Variants in NTRK3 observed in about 807,000 individuals in gnomAD.
NTRK3 encodes NT-3 growth factor receptor.
In NTRK3, 24 loss-of-function variants were observed where a neutral mutation model predicts 91.7. That is an observed-to-expected ratio of 0.26 (90% CI 0.19 to 0.37). The LOEUF is 0.37. Ranked by LOEUF, NTRK3 falls within the 10% of genes least tolerant of loss-of-function variation. The pLI, the probability that NTRK3 is intolerant of heterozygous loss-of-function variation, is 1.00. For missense variants in NTRK3, 880 were observed against 1,068.9 expected (o/e 0.82, Z 2.46); for synonymous variants, 483 against 404.0 (o/e 1.20, Z -2.34).
intron 5 of NTRK3, among the ~76,000 whole-genome samples, chr15:88,151,655 C>A (rs928250376): frequency 2.0e-5 from 3 of 152,156 alleles, no homozygotes; most frequent in Non-Finnish European, 4.4e-5. Context: ...CTCTGTTGCC[C>A]CTTTGGGGGT....
chr15:88,086,173 C>G (rs148199244), intron 13 of NTRK3, among the ~76,000 whole-genome samples: 8 of 152,194 alleles, frequency 5.3e-5, no homozygotes, highest in Non-Finnish European at 1.0e-4. Context: ...ACCTTTGGAA[C>G]AGTTACCCAG....
chr15:88,011,663 C>T (rs1225793312), intron 14 of NTRK3, among the ~76,000 whole-genome samples: 1 of 152,120 alleles, frequency 6.6e-6, no homozygotes, highest in African/African-American at 2.4e-5. Context: ...CATGAGCAGG[C>T]CACTGAATTA....
At chr15:87,874,027 A>G (rs2064888779) in exon 19 of NTRK3, 3 of 228,280 alleles carry the variant, frequency 1.3e-5, no homozygotes, top group African/African-American at 6.7e-5. Context: ...GCCAGAGATT[A>G]GCAGGTGTAC....
chr15:88,226,740 A>T (rs2050711889), intron 3 of NTRK3, among the ~76,000 whole-genome samples: 3 of 152,198 alleles, frequency 2.0e-5, no homozygotes, highest in Admixed American at 2.0e-4. Context: ...CCGTTCCATT[A>T]TTAATAAAAG....
intron 5 of NTRK3, among the ~76,000 whole-genome samples, chr15:88,177,953 G>T (rs956905486): frequency 6.6e-6 from 1 of 152,192 alleles, no homozygotes; most frequent in African/African-American, 2.4e-5. Context: ...GCTCAGAGAA[G>T]TTCAATAATT....
At chr15:88,214,258 TGCTCCCTCGAATG>T (rs1486079171) in intron 3 of NTRK3, among the ~76,000 whole-genome samples, 8 of 152,130 alleles carry the variant, frequency 5.3e-5, no homozygotes, top group African/African-American at 1.9e-4. Flanking sequence ...AGCAGGGCCA[TGCTCCCTCGAATG>T]GCTGTAGAAG....
chr15:88,128,194 C>T (rs533493366), intron 11 of NTRK3, among the ~76,000 whole-genome samples: 13 of 152,286 alleles, frequency 8.5e-5, no homozygotes, highest in African/African-American at 3.1e-4. Flanking sequence ...ATTGTCTAGC[C>T]CTAGCCCCAA....
intron 13 of NTRK3, among the ~76,000 whole-genome samples, chr15:88,078,052 G>A (rs978919125): frequency 3.3e-5 from 5 of 152,186 alleles, no homozygotes; most frequent in African/African-American, 9.7e-5. Flanking sequence ...CCCTGCCCAG[G>A]GGCCATGCCT....
intron 6 of NTRK3, among the ~76,000 whole-genome samples, chr15:88,146,237 T>A (rs537704570): frequency 2.0e-5 from 3 of 152,274 alleles, no homozygotes; most frequent in African/African-American, 7.2e-5. Flanking sequence ...GGATGCTTGA[T>A]GTAAAGCATC....
At chr15:87,978,967 G>A (rs770241846) in intron 14 of NTRK3, 23 of 362,642 alleles carry the variant, frequency 6.3e-5, no homozygotes, top group Middle Eastern at 7.8e-4. Context: ...GCTGGAGCAC[G>A]GCTGGACTTC....
chr15:87,960,419 C>T (rs893364922), intron 14 of NTRK3, among the ~76,000 whole-genome samples: 4 of 152,014 alleles, frequency 2.6e-5, no homozygotes, highest in East Asian at 1.9e-4. Flanking sequence ...ATCTAGCACC[C>T]GTCTCTCTTC....
chr15:88,013,406 A>T (rs1387347733), intron 14 of NTRK3, among the ~76,000 whole-genome samples: 3 of 152,228 alleles, frequency 2.0e-5, no homozygotes, highest in Non-Finnish European at 2.9e-5. Flanking sequence ...GAGGATAAGA[A>T]GCCATACACT....
intron 14 of NTRK3, among the ~76,000 whole-genome samples, chr15:87,948,770 G>A (rs1851070389): frequency 6.6e-6 from 1 of 152,182 alleles, no homozygotes; most frequent in Non-Finnish European, 1.5e-5. Flanking sequence ...CAGGTTGAAT[G>A]ACCACCAGCC....
At chr15:87,957,362 G>T (rs1458135958) in intron 14 of NTRK3, among the ~76,000 whole-genome samples, 1 of 148,342 alleles carries the variant, frequency 6.7e-6, no homozygotes, top group African/African-American at 2.5e-5. Context: ...CACAGCGGGA[G>T]CATCTACACA....
At position 88,032,684 on chromosome 15, in the gene NTRK3, C is replaced by T. The variant is rs1387982669; in HGVS notation, c.1585+173G>A. Reference sequence around the variant, plus strand: ...TCGCAGAGGACTCTGGTCCCGGGGACTCCTGGCTCAGGCTATTCTTCAAGT... The same window carrying T: ...TCGCAGAGGACTCTGGTCCCGGGGATTCCTGGCTCAGGCTATTCTTCAAGT... On this transcript the variant is annotated intron_variant, in intron 14 of 18. Transcript: ENST00000394480. 3.3e-5 allele frequency among the ~76,000 whole-genome samples: 5 copies of T among 152,210 alleles called. No individual in the cohort carries two copies. In the East Asian group the frequency reaches 9.7e-4, roughly 30 times the overall value.
chr15:87,913,157 A>C (rs1256703679), intron 17 of NTRK3, among the ~76,000 whole-genome samples: 1 of 151,736 alleles, frequency 6.6e-6, no homozygotes, highest in African/African-American at 2.4e-5. Flanking sequence ...AAATCCAACT[A>C]TTTAGTTGAA....
rs371540559 is a variant in NTRK3 at position 87,901,766 on chromosome 15, G to T, written c.2134-21338C>A. ...GAAAGGAAGGAGGAAAGTTGGGGAG[G>T]GGGGGAGAGGGGGAGAAAGGGAGAG... On this transcript the variant is annotated intron_variant, in intron 17 of 18. Coordinates refer to ENST00000394480, the Ensembl canonical transcript of NTRK3. 9.7e-3 allele frequency among the ~76,000 whole-genome samples: 1,469 copies of T among 151,494 alleles called. 28 individuals are homozygous for T. The highest frequency in any genetic ancestry group is 0.024 in the East Asian group (125 of 5,162).
intron 6 of NTRK3, among the ~76,000 whole-genome samples, chr15:88,144,517 G>A (rs143347465): frequency 6.6e-6 from 1 of 152,260 alleles, no homozygotes; most frequent in East Asian, 1.9e-4. Flanking sequence ...TGGAAGGAGA[G>A]GCCGAGCATG....
chr15:87,943,145 A>T (rs1398186947), intron 14 of NTRK3, among the ~76,000 whole-genome samples: 1 of 152,142 alleles, frequency 6.6e-6, no homozygotes, highest in African/African-American at 2.4e-5. Flanking sequence ...GAGGCCTGAA[A>T]ATATGCATTT....
Sources: gnomAD v4.1 joint callset for allele counts (sites outside exome capture counted in the v4.1 genomes callset) on GRCh38, gnomAD v4.1.1 for gene constraint, MANE v1.5 for transcripts, NCBI Gene and HGNC (gene_info 2026-07-23, HGNC 2026-07-21) for gene names.